CACNA1C: variants seen among roughly 807,000 people sequenced by gnomAD.
CACNA1C encodes the protein calcium voltage-gated channel subunit alpha1 C.
Under a neutral mutation model 229.0 loss-of-function variants are expected in CACNA1C, and 30 were observed. The ratio of observed to expected loss-of-function variants is 0.13; its 90% CI spans 0.10 to 0.18. The LOEUF (loss-of-function observed/expected upper bound fraction) is 0.18. Among genes scored for constraint, CACNA1C ranks in the 10% least tolerant of loss-of-function variants. CACNA1C has a pLI of 1.00. For missense variants in CACNA1C, 1,658 were observed against 2,845.0 expected (o/e 0.58, Z 9.49); for synonymous variants, 1,114 against 1,132.5 (o/e 0.98, Z 0.33).
chr12:2,122,717 T>C (rs1180596472), intron 3 of CACNA1C, among the ~76,000 whole-genome samples: 1 of 152,254 alleles, frequency 6.6e-6, no homozygotes, highest in Admixed American at 6.5e-5. Flanking sequence ...GGGGAGCTCA[T>C]CTGTGTCCAC....
intron 13 of CACNA1C, among the ~76,000 whole-genome samples, chr12:2,578,193 T>C (rs900138101): frequency 4.6e-5 from 7 of 152,066 alleles, no homozygotes; most frequent in African/African-American, 1.2e-4. Context: ...TTGAGAGTAA[T>C]GAGGGATAGA....
chr12:2,569,663 G>A (rs2053284385), intron 13 of CACNA1C, among the ~76,000 whole-genome samples: 1 of 152,162 alleles, frequency 6.6e-6, no homozygotes, highest in Non-Finnish European at 1.5e-5. Flanking sequence ...CCATTGTAGG[G>A]ATATACTACA....
chr12:2,366,431 A>G (rs2097719769), intron 3 of CACNA1C, among the ~76,000 whole-genome samples: 1 of 152,220 alleles, frequency 6.6e-6, no homozygotes, highest in African/African-American at 2.4e-5. Context: ...TATATAATAC[A>G]AGACTAAATT....
At chr12:2,637,899 T>C (rs553336930) in intron 30 of CACNA1C, among the ~76,000 whole-genome samples, 2 of 152,334 alleles carry the variant, frequency 1.3e-5, no homozygotes, top group South Asian at 2.1e-4. Flanking sequence ...CCAGATGCCT[T>C]ATCCACCCTA....
chr12:2,671,457 A>T (rs1250030199), intron 38 of CACNA1C, among the ~76,000 whole-genome samples: 1 of 152,194 alleles, frequency 6.6e-6, no homozygotes, highest in Non-Finnish European at 1.5e-5. Flanking sequence ...TTTACTTTCC[A>T]AATGTTCTGC....
chr12:2,004,166 C>T (rs2042848168), intron 1 of CACNA1C: 3 of 1,465,844 alleles, frequency 2.0e-6, no homozygotes, highest in South Asian at 2.5e-5. Flanking sequence ...CCAGATCCAC[C>T]CACTTCCAGG....
chr12:2,678,737 GAC>G lies in CACNA1C; in HGVS notation c.5092-703_5092-702del, dbSNP rs909047326. Among the ~76,000 whole-genome samples the G allele has an allele frequency of 7.2e-5, 11 of 152,142 alleles. No homozygotes were observed. Among genetic ancestry groups the G allele is most frequent in the African/African-American group, 2.7e-4 (11 of 41,424 alleles). On this transcript the variant is annotated intron_variant, in intron 41 of 46. Transcript: ENST00000399655. The surrounding 1 kb of genome is among the most constrained non-coding windows in gnomAD (Gnocchi z 4.1). ...GGCCTCAGGGACATGGCATGGTGGT[GAC>G]ACAACCCGACAAGACACCAGAAACC...
chr12:2,634,832 G>A (rs1186257319), intron 30 of CACNA1C, among the ~76,000 whole-genome samples: 1 of 152,112 alleles, frequency 6.6e-6, no homozygotes, highest in Non-Finnish European at 1.5e-5. Flanking sequence ...CATCTCAGAA[G>A]GGAGCTCTCT....
chr12:2,486,237 C>G lies in CACNA1C; in HGVS notation c.891C>G (p.Thr297=). The part of the protein sequence containing the change: ...LELFMGKMHK[T]CYNQEGIADV... ...TCTTCATGGGGAAGATGCACAAGAC[C>G]TGCTACAACCAGGAGGGCATAGCAG... Residue 297 remains threonine, a synonymous_variant, in exon 6 of 47, where the codon ACC becomes ACG. Coordinates refer to ENST00000399655, the MANE Select transcript of CACNA1C (RefSeq NM_000719.7). The surrounding 1 kb of genome is among the most constrained non-coding windows in gnomAD (Gnocchi z 4.9). The G allele has an allele frequency of 6.2e-7, 1 of 1,613,564 alleles. No homozygotes were observed. Among genetic ancestry groups the G allele is most frequent in the South Asian group, 1.1e-5 (1 of 91,020 alleles).
rs1035829167 is a variant in CACNA1C at position 2,181,905 on chromosome 12, G to A, written c.477+61475G>A. Among the ~76,000 whole-genome samples the A allele has an allele frequency of 7.9e-5, 12 of 152,198 alleles. No homozygotes were observed. Among genetic ancestry groups the A allele is most frequent in the African/African-American group, 2.6e-4 (11 of 41,514 alleles). ...ATGTGTGTTAAGGGGGTCCTGCAGA[G>A]TGGGGGTAAACTGATTCTGGATTAC... is the stretch of plus-strand genomic sequence containing the variant. On this transcript the variant is annotated intron_variant, in intron 3 of 46. Transcript: ENST00000399655. The surrounding 1 kb of genome is among the most constrained non-coding windows in gnomAD (Gnocchi z 4.0).
At chr12:2,619,386 C>T (rs1261213369) in intron 29 of CACNA1C, among the ~76,000 whole-genome samples, 1 of 152,226 alleles carries the variant, frequency 6.6e-6, no homozygotes, top group African/African-American at 2.4e-5. Flanking sequence ...AGGAACTTCA[C>T]CTCCAGCCTG....
At chr12:2,075,813 G>A (rs1228416155) in intron 1 of CACNA1C, among the ~76,000 whole-genome samples, 2 of 152,208 alleles carry the variant, frequency 1.3e-5, no homozygotes, top group African/African-American at 2.4e-5. Flanking sequence ...TCCTGGGAGC[G>A]GATGTGCCAG....
Position 2,126,103 on chromosome 12 carries a change from A to G in CACNA1C, c.477+5673A>G, listed in dbSNP as rs182719061. ...GCTTTCTTCTGTTTCCAAGAGATGA[A>G]AAGTATTCCAGAATAGAGTTTTTTT... On this transcript the variant is annotated intron_variant, in intron 3 of 46. Coordinates refer to ENST00000399655, the MANE Select transcript of CACNA1C (RefSeq NM_000719.7). Among the ~76,000 whole-genome samples the G allele has an allele frequency of 1.4e-4, 22 of 152,032 alleles. 1 individual carries two copies. Among genetic ancestry groups the G allele is most frequent in the African/African-American group, 5.1e-4 (21 of 41,304 alleles).
intron 3 of CACNA1C, among the ~76,000 whole-genome samples, chr12:2,236,913 C>T (rs576534369): frequency 3.3e-5 from 5 of 152,362 alleles, no homozygotes; most frequent in African/African-American, 9.6e-5. Context: ...CCTCCCCTCC[C>T]TCCAGTCCTG....
chr12:1,981,080 T>C (rs936352589), intron 1 of CACNA1C, among the ~76,000 whole-genome samples: 2 of 152,218 alleles, frequency 1.3e-5, no homozygotes, highest in African/African-American at 4.8e-5. Context: ...CTTGAACTAT[T>C]AAATTTCCCA....
At chr12:2,690,291 AC>A (rs532901240) in intron 46 of CACNA1C, 4 of 152,420 alleles carry the variant, frequency 2.6e-5, no homozygotes, top group Non-Finnish European at 5.8e-5. Flanking sequence ...CATCAGGGCA[AC>A]CCCCCGGCCC....
At chr12:2,668,104 G>A (rs1164073204) in intron 37 of CACNA1C, among the ~76,000 whole-genome samples, 1 of 147,200 alleles carries the variant, frequency 6.8e-6, no homozygotes, top group East Asian at 2.0e-4. Flanking sequence ...TCTCCTGCAG[G>A]CAAAGCTCCT....
chr12:2,151,651 C>T (rs891366423), intron 3 of CACNA1C, among the ~76,000 whole-genome samples: 13 of 152,088 alleles, frequency 8.5e-5, no homozygotes. Context: ...GCCAGGTTTG[C>T]AGAAATGGCT....
chr12:2,579,629 G>A (rs1197738478), intron 13 of CACNA1C, among the ~76,000 whole-genome samples: 1 of 152,112 alleles, frequency 6.6e-6, no homozygotes, highest in African/African-American at 2.4e-5. Context: ...CACCCAGGAT[G>A]AAGGGCAATG....
Sources: gnomAD v4.1 joint callset for allele counts (sites outside exome capture counted in the v4.1 genomes callset) on GRCh38, gnomAD v4.1.1 for gene constraint, Gnocchi (gnomAD v3.1) non-coding constraint, MANE v1.5 for transcripts, NCBI Gene and HGNC (gene_info 2026-07-23, HGNC 2026-07-21) for gene names.